The following HCN1 variants were observed in gnomAD, a reference collection of about 807,000 sequenced individuals.
HCN1 encodes hyperpolarization activated cyclic nucleotide gated potassium channel 1.
A neutral mutation model predicts 78.9 loss-of-function variants in HCN1; 13 were observed. The ratio of observed to expected loss-of-function variants is 0.16; its 90% CI spans 0.11 to 0.26. HCN1 has a LOEUF of 0.26. Ranked by LOEUF, HCN1 falls within the 10% of genes least tolerant of loss-of-function variation. HCN1 has a pLI of 1.00. For missense variants in HCN1, 810 were observed against 1,154.3 expected, an observed-to-expected ratio of 0.70 and a Z score of 4.32; for synonymous variants, 552 against 455.5, an observed-to-expected ratio of 1.21 and a Z score of -2.70.
intron 4 of HCN1, among the ~76,000 whole-genome samples, chr5:45,374,011 AAT>A (rs1747512827): frequency 1.0e-5 from 1 of 98,672 alleles, no homozygotes; most frequent in African/African-American, 4.2e-5. Context: ...TTATATACAT[AAT>A]ATATATTATA....
intron 2 of HCN1, among the ~76,000 whole-genome samples, chr5:45,584,069 ATTCC>A (rs1312317254): frequency 2.6e-5 from 4 of 152,116 alleles, no homozygotes; most frequent in Non-Finnish European, 5.9e-5. Flanking sequence ...GCTGAGTTCA[ATTCC>A]TGGATATCCT....
chr5:45,371,314 A>T (rs1428548887), intron 4 of HCN1, among the ~76,000 whole-genome samples: 1 of 152,098 alleles, frequency 6.6e-6, no homozygotes, highest in Non-Finnish European at 1.5e-5. Context: ...TAAAAACTGT[A>T]CACAAGGTCA....
Position 45,517,793 on chromosome 5 carries a change from T to C in HCN1, c.850-55786A>G, listed in dbSNP as rs182519365. 1.2e-3 allele frequency among the ~76,000 whole-genome samples: 187 copies of C among 152,090 alleles called. 1 individual carries two copies. Among genetic ancestry groups the C allele is most frequent in the African/African-American group, 4.2e-3 (175 of 41,524 alleles). ...AACAAGAACCACAACCTGAAAATTG[T>C]GGCAAAGAAAGCTAAAAGGACATGA... On this transcript the variant is annotated intron_variant, in intron 2 of 7. Coordinates refer to ENST00000303230, the MANE Select transcript of HCN1 (RefSeq NM_021072.4).
intron 3 of HCN1, among the ~76,000 whole-genome samples, chr5:45,434,684 AGAGG>A: frequency 1.3e-5 from 2 of 152,208 alleles, no homozygotes; most frequent in African/African-American, 4.8e-5. Context: ...TTTGGCACAT[AGAGG>A]ATTATATTGG....
At chr5:45,625,827 A>T (rs1310759300) in intron 2 of HCN1, among the ~76,000 whole-genome samples, 2 of 152,202 alleles carry the variant, frequency 1.3e-5, no homozygotes, top group Admixed American at 1.3e-4. Context: ...ACCAAAAAAA[A>T]AAAATTCATT....
intron 2 of HCN1, among the ~76,000 whole-genome samples, chr5:45,522,600 T>C (rs1211919136): frequency 6.7e-6 from 1 of 150,040 alleles, no homozygotes; most frequent in Non-Finnish European, 1.5e-5. Flanking sequence ...TAAGTCTCTT[T>C]TCTTTTTTTT....
intron 1 of HCN1, among the ~76,000 whole-genome samples, chr5:45,689,574 T>C (rs1165107427): frequency 6.6e-6 from 1 of 152,080 alleles, no homozygotes; most frequent in East Asian, 1.9e-4. Flanking sequence ...ATTTCAAGCT[T>C]GGGGGTAATG....
intron 2 of HCN1, among the ~76,000 whole-genome samples, chr5:45,640,100 C>T (rs1745424153): frequency 6.6e-6 from 1 of 152,166 alleles, no homozygotes; most frequent in Admixed American, 6.5e-5. Context: ...AATTGTGTTG[C>T]TCACTCCCTT....
intron 2 of HCN1, among the ~76,000 whole-genome samples, chr5:45,495,547 G>C (rs1296319680): frequency 5.3e-5 from 8 of 152,230 alleles, no homozygotes; most frequent in South Asian, 4.1e-4. Flanking sequence ...CGTCTGCAAA[G>C]AGGGACAATT....
At chr5:45,560,349 G>A (rs1330135733) in intron 2 of HCN1, among the ~76,000 whole-genome samples, 1 of 151,904 alleles carries the variant, frequency 6.6e-6, no homozygotes, top group African/African-American at 2.4e-5. Context: ...AGAGGAAAGT[G>A]ATTAAGCAAA....
At chr5:45,566,833 G>A (rs1048589918) in intron 2 of HCN1, among the ~76,000 whole-genome samples, 1 of 152,168 alleles carries the variant, frequency 6.6e-6, no homozygotes, top group African/African-American at 2.4e-5. Flanking sequence ...GGTTTCTTGT[G>A]CAACGAATAG....
At chr5:45,598,166 T>C (rs1041962760) in intron 2 of HCN1, among the ~76,000 whole-genome samples, 11 of 152,110 alleles carry the variant, frequency 7.2e-5, no homozygotes, top group African/African-American at 2.2e-4. Flanking sequence ...CTTCAAACTA[T>C]ACTACAAGGC....
intron 5 of HCN1, among the ~76,000 whole-genome samples, chr5:45,307,455 C>T (rs1745759339): frequency 6.6e-6 from 1 of 152,076 alleles, no homozygotes; most frequent in Non-Finnish European, 1.5e-5. Flanking sequence ...GTCAGGCAAT[C>T]AATGTTAACA....
At chr5:45,299,917 T>C (rs941065952) in intron 6 of HCN1, among the ~76,000 whole-genome samples, 15 of 152,118 alleles carry the variant, frequency 9.9e-5, no homozygotes, top group African/African-American at 3.6e-4. Flanking sequence ...GATGACACAC[T>C]ATGTTAAAGA....
intron 2 of HCN1, among the ~76,000 whole-genome samples, chr5:45,518,505 T>C (rs1454168811): frequency 1.3e-5 from 2 of 151,614 alleles, no homozygotes; most frequent in African/African-American, 4.8e-5. Flanking sequence ...TAAGCAGAAA[T>C]TGGAATAAGA....
intron 6 of HCN1, among the ~76,000 whole-genome samples, chr5:45,276,496 T>C (rs1472768173): frequency 1.3e-5 from 2 of 152,080 alleles, no homozygotes; most frequent in Non-Finnish European, 2.9e-5. Flanking sequence ...GTCAGATTTA[T>C]AATTTAAAAA....
chr5:45,310,010 T>G (rs1162055086), intron 5 of HCN1, among the ~76,000 whole-genome samples: 1 of 152,004 alleles, frequency 6.6e-6, no homozygotes, highest in Admixed American at 6.6e-5. Flanking sequence ...TTTTTTTGGT[T>G]GGTAGGCTAT....
intron 5 of HCN1, among the ~76,000 whole-genome samples, chr5:45,346,566 C>T (rs373289350): frequency 6.6e-6 from 1 of 152,162 alleles, no homozygotes; most frequent in Admixed American, 6.5e-5. Context: ...CGAGGCACTA[C>T]CTCACTCAGG....
chr5:45,460,286 T>C (rs74659833), intron 3 of HCN1, among the ~76,000 whole-genome samples: 14,665 of 152,170 alleles, frequency 0.096, 953 homozygotes, highest in Middle Eastern at 0.17. Context: ...TTCCACCTTC[T>C]GCCATGTGAG....
Sources: allele counts gnomAD v4.1 joint callset (sites outside exome capture counted in the v4.1 genomes callset), GRCh38; gene constraint gnomAD v4.1.1; transcripts MANE v1.5; gene names NCBI Gene and HGNC (gene_info 2026-07-23, HGNC 2026-07-21).